The following GTF3C6 variants were observed in gnomAD, a reference collection of about 807,000 sequenced individuals.
The protein encoded by GTF3C6 is general transcription factor IIIC subunit 6.
In GTF3C6, 11 loss-of-function variants were observed where a neutral mutation model predicts 19.2. The ratio of observed to expected loss-of-function variants is 0.57; its 90% CI spans 0.36 to 0.95. The LOEUF is 0.95. Ranked by LOEUF, GTF3C6 falls within the 40% of genes least tolerant of loss-of-function variation. The pLI is 0.01. For missense variants in GTF3C6, 222 were observed against 254.7 expected (o/e 0.87, Z 0.87); for synonymous variants, 87 against 84.2 (o/e 1.03, Z -0.18).
At chr6:110,965,359 T>C (rs911367231) in intron 5 of GTF3C6, among the ~76,000 whole-genome samples, 6 of 152,134 alleles carry the variant, frequency 3.9e-5, no homozygotes, top group Non-Finnish European at 8.8e-5. Context: ...GACACGTTTG[T>C]GGAGTTGAAA....
Position 110,959,197 on chromosome 6 carries a change from C to CA in GTF3C6, c.84dup (p.Gly29ArgfsTer4). On this transcript the variant is annotated frameshift_variant, in exon 2 of 6. Coordinates refer to ENST00000329970, the MANE Select transcript of GTF3C6 (RefSeq NM_138408.4). LOFTEE classifies it high-confidence loss of function. ...GAGCAGTTGGTTCTGGTGGAATTATCAGGAATTATTGATTCAGACTTCCTC... is the reference window on the plus strand; with the variant it reads ...GAGCAGTTGGTTCTGGTGGAATTATCAAGGAATTATTGATTCAGACTTCCTC... 6.2e-7 allele frequency: 1 copy of CA among 1,612,564 alleles called. No individual in the cohort carries two copies. The highest frequency in any genetic ancestry group is 8.5e-7 in the Non-Finnish European group (1 of 1,178,698).
intron 5 of GTF3C6, 149 bp from the exon 6 acceptor site, chr6:110,967,361 T>C: frequency 1.5e-6 from 1 of 660,892 alleles, no homozygotes; most frequent in South Asian, 2.3e-5. Flanking sequence ...TTATATTTTA[T>C]CAGTAGTTAC....
intron 4 of GTF3C6, among the ~76,000 whole-genome samples, chr6:110,961,438 A>C (rs886835296): frequency 6.6e-6 from 1 of 152,126 alleles, no homozygotes; most frequent in East Asian, 1.9e-4. Context: ...GGTGTGAGCC[A>C]CCACTCCTGG....
chr6:110,959,977 T>A (rs991659314), intron 2 of GTF3C6, among the ~76,000 whole-genome samples: 82 of 150,764 alleles, frequency 5.4e-4, no homozygotes, highest in African/African-American at 1.8e-3. Flanking sequence ...AAAAAAATAA[T>A]AATAATAATA....
Position 110,962,490 on chromosome 6 carries a change from G to A in GTF3C6, c.346G>A (p.Gly116Arg). 1.3e-6 allele frequency: 2 copies of A among 1,595,848 alleles called. No homozygotes were observed. Among genetic ancestry groups the A allele is most frequent in the Non-Finnish European group, 1.7e-6 (2 of 1,163,600 alleles). The change falls in exon 5 of 6, where the codon GGA becomes AGA. Residue 116 changes from glycine to arginine, a missense_variant. Coordinates refer to ENST00000329970, the MANE Select transcript of GTF3C6 (RefSeq NM_138408.4). ...TRTLLTEKKE[G>R]EENIGGVEWL... is the part of the protein sequence containing the mutation. ...AACTCTCCTGACAGAGAAGAAGGAAGGAGAAGAAAACATAGGTTAGTTCCA... is the reference window on the plus strand; with the variant it reads ...AACTCTCCTGACAGAGAAGAAGGAAAGAGAAGAAAACATAGGTTAGTTCCA...
chr6:110,959,381 TAAG>T, intron 2 of GTF3C6, 129 bp downstream of exon 2: 1 of 636,156 alleles, frequency 1.6e-6, no homozygotes, highest in South Asian at 1.9e-5. Context: ...ACTCTAAGGA[TAAG>T]AAGTATACTA....
intron 5 of GTF3C6, among the ~76,000 whole-genome samples, chr6:110,966,718 A>G (rs781151658): frequency 3.9e-5 from 6 of 152,242 alleles, no homozygotes; most frequent in South Asian, 4.1e-4. Flanking sequence ...ATAAGAGTGA[A>G]CATCAAATTC....
intron 1 of GTF3C6, 141 bp downstream of exon 1, chr6:110,958,967 G>A: frequency 4.9e-6 from 5 of 1,019,796 alleles, no homozygotes; most frequent in Non-Finnish European, 5.8e-6. Flanking sequence ...TGGGCGCGAG[G>A]AGCCGGGCAG....
intron 4 of GTF3C6, among the ~76,000 whole-genome samples, chr6:110,962,156 G>C (rs1015241378): frequency 6.6e-6 from 1 of 152,042 alleles, no homozygotes; most frequent in Non-Finnish European, 1.5e-5. Context: ...CACTCGCCTC[G>C]GCCTCCCAAA....
rs1771145608 is a variant in GTF3C6, at chr6:110,960,449, C to T, written c.174C>T (p.Asp58=). Residue 58 remains aspartate, a synonymous_variant, in exon 3 of 6, where the codon GAC becomes GAT. Coordinates refer to ENST00000329970, the MANE Select transcript of GTF3C6 (RefSeq NM_138408.4). ...CTGAGAGGCCCATTCTGCAAGTGGA[C>T]AGCTGTGTCTTTGCTGGGGAGTATG... ...IDTERPILQV[D]SCVFAGEYED... is the part of the protein sequence containing the mutation. 1.9e-6 allele frequency: 3 copies of T among 1,613,848 alleles called. No individual in the cohort carries two copies. Among genetic ancestry groups the T allele is most frequent in the Non-Finnish European group, 1.7e-6 (2 of 1,179,894 alleles).
In GTF3C6 at chr6:110,960,379, ATG is replaced by A. The variant is rs773582925; in HGVS notation, c.139-33_139-32del. 2.4e-4 allele frequency: 373 copies of A among 1,524,254 alleles called. No individual in the cohort carries two copies. In the Middle Eastern group the frequency reaches 7.2e-3, roughly 29 times the overall value. 94.4% of individuals were successfully genotyped at this position (1,524,254 alleles called of 1,614,324 possible). On this transcript the variant is annotated intron_variant, in intron 2 of 5. Transcript: ENST00000329970. ...ACAATGTTGAAGCCTTTTTCTAATT[ATG>A]TTTTTTTTTTATGATCCTTTATTCT...
chr6:110,964,804 G>A (rs554150843), intron 5 of GTF3C6, among the ~76,000 whole-genome samples: 17 of 150,504 alleles, frequency 1.1e-4, no homozygotes, highest in Non-Finnish European at 2.2e-4. Context: ...ACCACGCCCG[G>A]CTAATTTTTA....
chr6:110,964,814 A>G (rs963250972), intron 5 of GTF3C6, among the ~76,000 whole-genome samples: 3 of 144,530 alleles, frequency 2.1e-5, no homozygotes, highest in Non-Finnish European at 3.0e-5. Flanking sequence ...GCTAATTTTT[A>G]GTAGAGACGG....
At position 110,959,338 on chromosome 6, in the gene GTF3C6, T is replaced by C. The variant is rs916098980; in HGVS notation, c.138+86T>C. 1.4e-5 allele frequency: 11 copies of C among 798,326 alleles called. No individual in the cohort carries two copies. The African/African-American group carries it at 1.6e-4, about 11-fold the overall frequency. The allele number at this position is 798,326 out of a possible 1,614,324, so 49.5% of individuals were successfully genotyped here. ...ATGGTGAAATACCTATCCGCAAGTA[T>C]TGATATATTTATTTCACCTTACAAA... On this transcript the variant is annotated intron_variant, in intron 2 of 5. Coordinates refer to ENST00000329970, the MANE Select transcript of GTF3C6 (RefSeq NM_138408.4).
intron 1 of GTF3C6, 70 bp downstream of exon 1, chr6:110,958,896 G>T (rs971342884): frequency 6.8e-7 from 1 of 1,478,500 alleles, no homozygotes; most frequent in Non-Finnish European, 9.1e-7. Context: ...GTGTGGGGAA[G>T]GGAGTTGGGG....
chr6:110,959,157 TC>T lies in GTF3C6; in HGVS notation c.58-14del. ...GCTCGCGTGCTAGCATGTTAACCCC[TC>T]TTTCTTTCACCAGGAGCAGTTGGTT... On this transcript the variant is annotated splice_polypyrimidine_tract_variant and intron_variant, in intron 1 of 5. Coordinates refer to ENST00000329970, the MANE Select transcript of GTF3C6 (RefSeq NM_138408.4). 1 of 1,587,790 alleles carries T rather than the reference TC, an allele frequency of 6.3e-7. No individual in the cohort carries two copies. The highest frequency in any genetic ancestry group is 8.6e-7 in the Non-Finnish European group (1 of 1,156,196).
At chr6:110,960,302 A>G (rs1771143009) in intron 2 of GTF3C6, 112 bp from the exon 3 acceptor site, 1 of 821,494 alleles carries the variant, frequency 1.2e-6, no homozygotes, top group Non-Finnish European at 1.9e-6. Flanking sequence ...GTAGGACAAG[A>G]TGCTCTAGAG....
At chr6:110,962,612 T>A in intron 5 of GTF3C6, 107 bp downstream of exon 5, 2 of 658,034 alleles carry the variant, frequency 3.0e-6, no homozygotes, top group Non-Finnish European at 2.7e-6. Context: ...TATACATGAT[T>A]TTTGTTTTTT....
At chr6:110,964,635 G>A (rs567207093) in intron 5 of GTF3C6, among the ~76,000 whole-genome samples, 1 of 150,706 alleles carries the variant, frequency 6.6e-6, no homozygotes, top group South Asian at 2.1e-4. Flanking sequence ...TTTTCCTTTT[G>A]ACGTTTTTCT....
Sources: gnomAD v4.1 joint callset for allele counts (sites outside exome capture counted in the v4.1 genomes callset) on GRCh38, gnomAD v4.1.1 for gene constraint, MANE v1.5 for transcripts, NCBI Gene and HGNC (gene_info 2026-07-23, HGNC 2026-07-21) for gene names.